Variants in TGFB2 observed in about 807,000 individuals in gnomAD.
TGFB2 encodes the protein transforming growth factor beta-2 proprotein.
Under a neutral mutation model 42.7 loss-of-function variants are expected in TGFB2, and 13 were observed. The observed-to-expected ratio is 0.30, with a 90% CI of 0.20 to 0.48. TGFB2 has a LOEUF of 0.48. TGFB2 is among the 20% of genes least tolerant of loss of function. The probability of loss-of-function intolerance (pLI) is 0.99; values close to 1 mark genes in which losing one functional copy is unlikely to be tolerated. For synonymous variants in TGFB2, 193 were observed against 193.6 expected, an observed-to-expected ratio of 1.00 and a Z score of 0.03; for missense variants, 390 against 517.5, an observed-to-expected ratio of 0.75 and a Z score of 2.39.
chr1:218,428,905 G>A (rs1308968081), intron 2 of TGFB2, among the ~76,000 whole-genome samples: 2 of 150,176 alleles, frequency 1.3e-5, no homozygotes, highest in African/African-American at 4.9e-5. Flanking sequence ...GGATGGCACT[G>A]AATCTATAAA....
In TGFB2 at chr1:218,384,051, A is replaced by G. The variant is rs77993744; in HGVS notation, c.347-21118A>G. On this transcript the variant is annotated intron_variant, in intron 1 of 6. Transcript: ENST00000366930. Reference sequence around the variant, plus strand: ...GAGATACAGAGAAAGTATTTTTAAGATTTATTTAAATAATATAAGGTCACA... The same window carrying G: ...GAGATACAGAGAAAGTATTTTTAAGGTTTATTTAAATAATATAAGGTCACA... Among the ~76,000 whole-genome samples the G allele has an allele frequency of 4.6e-5, 7 of 152,304 alleles. No individual in the cohort carries two copies. The East Asian group carries it at 7.7e-4, about 17-fold the overall frequency.
chr1:218,415,960 G>A (rs1659265413), intron 2 of TGFB2, among the ~76,000 whole-genome samples: 1 of 152,096 alleles, frequency 6.6e-6, no homozygotes, highest in African/African-American at 2.4e-5. Context: ...AGGTTGGCTT[G>A]TGATTCTAAA....
chr1:218,409,158 TGAA>T (rs1404729738), intron 2 of TGFB2, among the ~76,000 whole-genome samples: 1 of 152,232 alleles, frequency 6.6e-6, no homozygotes, highest in Admixed American at 6.5e-5. Context: ...TAAACACAGA[TGAA>T]GCTTTGCTTG....
intron 2 of TGFB2, among the ~76,000 whole-genome samples, chr1:218,406,996 A>G (rs1021200951): frequency 6.6e-6 from 1 of 152,216 alleles, no homozygotes; most frequent in Non-Finnish European, 1.5e-5. Context: ...GATAATTAGG[A>G]TCAAAATTTT....
chr1:218,364,267 T>C (rs2102546885), intron 1 of TGFB2, among the ~76,000 whole-genome samples: 1 of 152,356 alleles, frequency 6.6e-6, no homozygotes, highest in South Asian at 2.1e-4. Context: ...CACTTAGCCC[T>C]GACCCTCGGA....
chr1:218,348,832 T>C (rs1656778812), intron 1 of TGFB2, among the ~76,000 whole-genome samples: 1 of 152,188 alleles, frequency 6.6e-6, no homozygotes, highest in African/African-American at 2.4e-5. Flanking sequence ...TCTTTCAATG[T>C]TTATATGCAA....
At chr1:218,351,946 T>C (rs1316939107) in intron 1 of TGFB2, among the ~76,000 whole-genome samples, 1 of 151,942 alleles carries the variant, frequency 6.6e-6, no homozygotes, top group African/African-American at 2.4e-5. Context: ...AACCAAGGAG[T>C]TCACTGACTT....
chr1:218,400,315 A>G (rs1658672568), intron 1 of TGFB2, among the ~76,000 whole-genome samples: 1 of 151,954 alleles, frequency 6.6e-6, no homozygotes. Context: ...TCGCTCTCCA[A>G]CTGTCACGGT....
chr1:218,364,853 A>G (rs939233297), intron 1 of TGFB2, among the ~76,000 whole-genome samples: 3 of 152,324 alleles, frequency 2.0e-5, no homozygotes, highest in East Asian at 3.9e-4. Flanking sequence ...TCATGCCTTT[A>G]AAGCTCCCGT....
At chr1:218,354,892 A>C (rs17047711) in intron 1 of TGFB2, among the ~76,000 whole-genome samples, 7,248 of 152,126 alleles carry the variant, frequency 0.048, 573 homozygotes, top group African/African-American at 0.17. Context: ...ATTTATTAAG[A>C]CTTTGGTTGT....
intron 1 of TGFB2, among the ~76,000 whole-genome samples, chr1:218,354,240 G>A (rs759413423): frequency 1.1e-4 from 17 of 152,202 alleles, no homozygotes; most frequent in Non-Finnish European, 2.1e-4. Flanking sequence ...AGAAGAATCT[G>A]TGAGTTCAAA....
intron 1 of TGFB2, among the ~76,000 whole-genome samples, chr1:218,362,771 T>C (rs1657257441): frequency 6.6e-6 from 1 of 152,238 alleles, no homozygotes. Flanking sequence ...TTGTGGAAGA[T>C]GCGTTTAGTC....
At chr1:218,365,361 T>C (rs889474188) in intron 1 of TGFB2, among the ~76,000 whole-genome samples, 1 of 152,224 alleles carries the variant, frequency 6.6e-6, no homozygotes, top group Non-Finnish European at 1.5e-5. Flanking sequence ...AGGCCTACCC[T>C]GGTTCTTCGG....
At chr1:218,376,633 C>T (rs577676665) in intron 1 of TGFB2, among the ~76,000 whole-genome samples, 3 of 152,252 alleles carry the variant, frequency 2.0e-5, no homozygotes, top group African/African-American at 7.2e-5. Context: ...GTTTCTTATC[C>T]CCCACCTAAG....
At chr1:218,358,101 T>C (rs1377985659) in intron 1 of TGFB2, among the ~76,000 whole-genome samples, 1 of 152,228 alleles carries the variant, frequency 6.6e-6, no homozygotes, top group East Asian at 1.9e-4. Flanking sequence ...TAAGAATCCT[T>C]ATTTGTTACT....
At chr1:218,368,756 C>G (rs1387139293) in intron 1 of TGFB2, among the ~76,000 whole-genome samples, 2 of 152,054 alleles carry the variant, frequency 1.3e-5, no homozygotes, top group Non-Finnish European at 2.9e-5. Context: ...GAAGGGCATT[C>G]TATTCTGTTC....
chr1:218,409,919 A>C (rs774536862), intron 2 of TGFB2, among the ~76,000 whole-genome samples: 1 of 152,202 alleles, frequency 6.6e-6, no homozygotes, highest in Non-Finnish European at 1.5e-5. Context: ...GAGAGTATGT[A>C]TGTGTGTACA....
intron 2 of TGFB2, among the ~76,000 whole-genome samples, chr1:218,407,924 A>C (rs940839466): frequency 6.6e-6 from 1 of 152,246 alleles, no homozygotes; most frequent in African/African-American, 2.4e-5. Flanking sequence ...GTTCCTATGA[A>C]AAAAAGCCAG....
At chr1:218,420,873 T>C (rs540711103) in intron 2 of TGFB2, among the ~76,000 whole-genome samples, 2 of 152,196 alleles carry the variant, frequency 1.3e-5, no homozygotes, top group Admixed American at 1.3e-4. Context: ...GAGGCTGATA[T>C]GTATTCCACG....
Sources: gnomAD v4.1 joint callset for allele counts (sites outside exome capture counted in the v4.1 genomes callset) on GRCh38, gnomAD v4.1.1 for gene constraint, MANE v1.5 for transcripts, NCBI Gene and HGNC (gene_info 2026-07-23, HGNC 2026-07-21) for gene names.